TRPA1: variants seen among roughly 807,000 people sequenced by gnomAD.
TRPA1 encodes ankyrin-like with transmembrane domains 1.
A neutral mutation model predicts 131.3 loss-of-function variants in TRPA1; 129 were observed. The observed-to-expected ratio is 0.98, with a 90% CI of 0.85 to 1.14. The LOEUF (loss-of-function observed/expected upper bound fraction) is 1.14. Ranked by LOEUF, TRPA1 falls within the 50% of genes most tolerant of loss-of-function variation. The pLI is 0.00. For missense variants in TRPA1, 1,304 were observed against 1,354.2 expected (o/e 0.96, Z 0.58); for synonymous variants, 441 against 451.7 (o/e 0.98, Z 0.30).
chr8:72,085,533 A>G, the TRPA1 span, among the ~76,000 whole-genome samples: 2 of 151,714 alleles, frequency 1.3e-5, no homozygotes, highest in South Asian at 4.2e-4. Context: ...TAATTTTTTT[A>G]TACTTGAATT....
intron 5 of TRPA1, 63 bp downstream of exon 5, chr8:72,063,400 A>T: frequency 8.1e-7 from 1 of 1,230,464 alleles, no homozygotes; most frequent in Non-Finnish European, 1.2e-6. Context: ...AAAAAATCAA[A>T]TTAATAGCAT....
intron 1 of TRPA1, among the ~76,000 whole-genome samples, chr8:72,072,765 T>TGCC (rs1247574047): frequency 1.1e-4 from 17 of 152,182 alleles, no homozygotes; most frequent in African/African-American, 4.1e-4. Flanking sequence ...CACTCCCTAG[T>TGCC]GCCGGAAAGA....
chr8:72,044,978 G>T (rs192593211), intron 17 of TRPA1, among the ~76,000 whole-genome samples: 1 of 151,846 alleles, frequency 6.6e-6, no homozygotes, highest in East Asian at 1.9e-4. Flanking sequence ...TTCTGATAAT[G>T]GAGACAAAAA....
intron 14 of TRPA1, 87 bp downstream of exon 14, chr8:72,052,512 C>A (rs1805534558): frequency 1.3e-6 from 2 of 1,551,776 alleles, no homozygotes; most frequent in African/African-American, 1.4e-5. Flanking sequence ...GGCTGAAAAT[C>A]ATTTCTTTTC....
chr8:72,039,794 T>C lies in TRPA1; in HGVS notation c.2065A>G (p.Met689Val), dbSNP rs201271758. The C allele has an allele frequency of 1.0e-4, 161 of 1,603,400 alleles. No homozygotes were observed. The highest frequency in any genetic ancestry group is 1.2e-4 in the Non-Finnish European group (146 of 1,171,268). The change falls in exon 18 of 27, where the codon ATG becomes GTG. Residue 689 changes from methionine to valine, a missense_variant. Transcript: ENST00000262209. ...IYEPLTALNA[M>V]VQNNRIELLN... ...AGCTCTATGCGGTTATTTTGTACCA[T>C]TGCCTGAGAAATAAAAAAAAGTGTA... is the stretch of plus-strand genomic sequence containing the variant.
upstream of TRPA1, among the ~76,000 whole-genome samples, chr8:72,079,077 C>A (rs1298925682): frequency 6.6e-6 from 1 of 151,806 alleles, no homozygotes; most frequent in Non-Finnish European, 1.5e-5. Flanking sequence ...ATTCTTTTGC[C>A]TCTTTTTAAA....
At position 72,052,692 on chromosome 8, in the gene TRPA1, T is replaced by G. The variant is rs140846916; in HGVS notation, c.1718A>C (p.Asp573Ala). 1.2e-6 allele frequency: 2 copies of G among 1,613,754 alleles called. No individual in the cohort carries two copies. Among genetic ancestry groups the G allele is most frequent in the African/African-American group, 1.3e-5 (1 of 74,878 alleles). ...AVALLLSHNA[D>A]IVLNKQQASF... ...GGCCTGCTGCTTGTTCAGGACTATGTCAGCATTGTGGCTCAGAAGAAGCGC... is the reference window on the plus strand; with the variant it reads ...GGCCTGCTGCTTGTTCAGGACTATGGCAGCATTGTGGCTCAGAAGAAGCGC... Residue 573 changes from aspartate (D) to alanine (A), a missense_variant, in exon 14 of 27, where the codon GAC becomes GCC. Physicochemically the swap from Asp to Ala is moderately radical, Grantham distance 126 (BLOSUM62 -2). Coordinates refer to ENST00000262209, the MANE Select transcript of TRPA1 (RefSeq NM_007332.3).
intron 8 of TRPA1, among the ~76,000 whole-genome samples, chr8:72,059,021 G>A (rs548542625): frequency 4.2e-4 from 64 of 152,286 alleles, no homozygotes; most frequent in African/African-American, 1.4e-3. Context: ...CGTGCTGCCT[G>A]TCCTGCCTCC....
At chr8:72,044,612 G>A (rs1465444680) in intron 17 of TRPA1, among the ~76,000 whole-genome samples, 1 of 151,946 alleles carries the variant, frequency 6.6e-6, no homozygotes, top group Non-Finnish European at 1.5e-5. Flanking sequence ...TTCCACAGTA[G>A]CTCTACTCTT....
chr8:72,043,227 C>T (rs546747606), intron 17 of TRPA1, among the ~76,000 whole-genome samples: 1 of 151,858 alleles, frequency 6.6e-6, no homozygotes, highest in South Asian at 2.1e-4. Flanking sequence ...CTTCCAAATC[C>T]TTTTCTATAT....
chr8:72,031,291 C>A (rs1484392814), intron 23 of TRPA1, among the ~76,000 whole-genome samples: 1 of 152,124 alleles, frequency 6.6e-6, no homozygotes, highest in African/African-American at 2.4e-5. Flanking sequence ...CAAAACCAAC[C>A]ATCTCTGCCA....
intron 21 of TRPA1, among the ~76,000 whole-genome samples, chr8:72,034,789 T>C (rs535424931): frequency 6.6e-5 from 10 of 152,302 alleles, no homozygotes. Flanking sequence ...AGCATCAGCC[T>C]GCCTCGGCTT....
intron 13 of TRPA1, chr8:72,053,119 G>T: frequency 3.4e-6 from 1 of 296,944 alleles, no homozygotes; most frequent in South Asian, 3.4e-5. Context: ...CAAGCTTTCA[G>T]GGTAAAGATG....
chr8:72,038,154 C>G (rs888212431), intron 19 of TRPA1, 82 bp from the exon 20 acceptor site: 21 of 762,382 alleles, frequency 2.8e-5, no homozygotes, highest in Non-Finnish European at 4.3e-5. Flanking sequence ...TATTAAATTT[C>G]TTTTTTCTTT....
intron 19 of TRPA1, 89 bp from the exon 20 acceptor site, chr8:72,038,161 C>CTTTT (rs1377400235): frequency 1.7e-6 from 1 of 591,716 alleles, no homozygotes; most frequent in African/African-American, 2.0e-5. Context: ...TTTCTTTTTT[C>CTTTT]TTTTTTTTTT....
At position 72,022,900 on chromosome 8, in the gene TRPA1, G is replaced by A. The variant is rs1354773436; in HGVS notation, c.*6C>T. The A allele has an allele frequency of 5.0e-6, 8 of 1,613,242 alleles. No homozygotes were observed. The highest frequency in any genetic ancestry group is 6.8e-6 in the Non-Finnish European group (8 of 1,179,514). ...CCATTAGAAGCCTCACTGAAGGTCTGAGGAGCTAAGGCTCAAGATGGTGTG... is the reference window on the plus strand; with the variant it reads ...CCATTAGAAGCCTCACTGAAGGTCTAAGGAGCTAAGGCTCAAGATGGTGTG... On this transcript the variant is annotated 3_prime_UTR_variant, in exon 27 of 27. Transcript: ENST00000262209.
intron 15 of TRPA1, among the ~76,000 whole-genome samples, chr8:72,049,369 C>T (rs1437684011): frequency 6.6e-6 from 1 of 152,078 alleles, no homozygotes; most frequent in Admixed American, 6.6e-5. Context: ...AATGACTTGC[C>T]TAAAACAACA....
intron 9 of TRPA1, 86 bp from the exon 10 acceptor site, chr8:72,057,103 T>A (rs1017112007): frequency 3.6e-5 from 37 of 1,039,434 alleles, no homozygotes; most frequent in African/African-American, 2.4e-4. Flanking sequence ...CAAAAAAAAA[T>A]TTGACTAAAA....
At chr8:72,070,040 T>C (rs1210768536) in intron 2 of TRPA1, among the ~76,000 whole-genome samples, 2 of 152,232 alleles carry the variant, frequency 1.3e-5, no homozygotes, top group Non-Finnish European at 2.9e-5. Flanking sequence ...TGGTACTATG[T>C]ACCCCGTGAG....
Sources: allele counts gnomAD v4.1 joint callset (sites outside exome capture counted in the v4.1 genomes callset), GRCh38; gene constraint gnomAD v4.1.1; transcripts MANE v1.5; gene names NCBI Gene and HGNC (gene_info 2026-07-23, HGNC 2026-07-21).